Variants in PLCB4 observed in about 807,000 individuals in gnomAD.
PLCB4 encodes the protein 1-phosphatidylinositol 4,5-bisphosphate phosphodiesterase beta-4.
In PLCB4, 77 loss-of-function variants were observed where a neutral mutation model predicts 178.8. The observed-to-expected ratio is 0.43, with a 90% confidence interval of 0.36 to 0.52. The LOEUF (loss-of-function observed/expected upper bound fraction) is 0.52, where lower values mean the gene tolerates loss of function less well. Ranked by LOEUF, PLCB4 falls within the 20% of genes least tolerant of loss-of-function variation. The pLI, the probability that PLCB4 is intolerant of heterozygous loss-of-function variation, is 0.00. For missense variants in PLCB4, 1,024 were observed against 1,453.4 expected (o/e 0.70, Z 4.80); for synonymous variants, 496 against 490.8 (o/e 1.01, Z -0.14).
intron 3 of PLCB4, among the ~76,000 whole-genome samples, chr20:9,302,503 C>T (rs143939781): frequency 6.6e-6 from 1 of 152,260 alleles, no homozygotes; most frequent in African/African-American, 2.4e-5. Flanking sequence ...AAAGAACAGC[C>T]TCGACCACAG....
intron 38 of PLCB4, among the ~76,000 whole-genome samples, chr20:9,474,214 C>CAAA (rs138592969): frequency 8.3e-6 from 1 of 120,616 alleles, no homozygotes. Context: ...GACTCCATCT[C>CAAA]AAAAAAAAAA....
At chr20:9,460,264 T>C (rs1483733649) in intron 35 of PLCB4, among the ~76,000 whole-genome samples, 1 of 152,168 alleles carries the variant, frequency 6.6e-6, no homozygotes, top group Admixed American at 6.5e-5. Flanking sequence ...CTTTTCAGAG[T>C]GGTCATGGAG....
At chr20:9,206,738 A>T (rs2093619716) in intron 2 of PLCB4, among the ~76,000 whole-genome samples, 1 of 152,230 alleles carries the variant, frequency 6.6e-6, no homozygotes, top group South Asian at 2.1e-4. Context: ...TCATTGACAA[A>T]CACAAGTAGC....
chr20:9,145,571 A>C (rs2092583633), intron 2 of PLCB4, among the ~76,000 whole-genome samples: 2 of 150,538 alleles, frequency 1.3e-5, no homozygotes, highest in Non-Finnish European at 3.0e-5. Flanking sequence ...TCTTTTCTTG[A>C]GGTTGGGCAG....
chr20:9,077,330 A>G (rs2089919421), intron 1 of PLCB4, among the ~76,000 whole-genome samples: 1 of 152,210 alleles, frequency 6.6e-6, no homozygotes, highest in Non-Finnish European at 1.5e-5. Context: ...CTATTTGGTC[A>G]AAAGCCTATG....
At chr20:9,100,608 T>A (rs1287853028) in intron 2 of PLCB4, among the ~76,000 whole-genome samples, 1 of 152,214 alleles carries the variant, frequency 6.6e-6, no homozygotes, top group Non-Finnish European at 1.5e-5. Flanking sequence ...ATGGATTTAG[T>A]AATGGAGCAA....
chr20:9,378,822 A>T (rs750916476), intron 12 of PLCB4, among the ~76,000 whole-genome samples: 1 of 152,142 alleles, frequency 6.6e-6, no homozygotes, highest in African/African-American at 2.4e-5. Flanking sequence ...GCTGGGCCCC[A>T]TATGCATGAG....
intron 21 of PLCB4, 31 bp downstream of exon 21, chr20:9,405,379 A>C (rs769395612): frequency 7.7e-7 from 1 of 1,301,574 alleles, no homozygotes; most frequent in South Asian, 1.4e-5. Flanking sequence ...CACATTTTAA[A>C]TCAGATGCAT....
At chr20:9,209,798 C>A (rs1031788439) in intron 2 of PLCB4, among the ~76,000 whole-genome samples, 1 of 151,788 alleles carries the variant, frequency 6.6e-6, no homozygotes, top group African/African-American at 2.4e-5. Context: ...CCCGTCTCTA[C>A]TAAAAAATAC....
intron 3 of PLCB4, among the ~76,000 whole-genome samples, chr20:9,296,338 C>T (rs1299108850): frequency 1.3e-5 from 2 of 151,884 alleles, no homozygotes; most frequent in Non-Finnish European, 2.9e-5. Flanking sequence ...AGAATGGCGA[C>T]CATTAAAAAG....
chr20:9,127,244 C>T (rs1242856343), intron 2 of PLCB4, among the ~76,000 whole-genome samples: 2 of 152,074 alleles, frequency 1.3e-5, no homozygotes, highest in African/African-American at 4.8e-5. Context: ...GTCCGGGAGC[C>T]TGAGACTCTG....
chr20:9,147,829 T>A (rs2092625249), intron 2 of PLCB4, among the ~76,000 whole-genome samples: 1 of 152,116 alleles, frequency 6.6e-6, no homozygotes, highest in African/African-American at 2.4e-5. Flanking sequence ...CACCACAAAG[T>A]TACGTAGCCG....
rs1234822599 is a variant in PLCB4, at chr20:9,457,461, A to G, written c.3044A>G (p.Gln1015Arg). ...EMKKETEIKI[Q>R]TLTSDHKSKV... ...AAAAAAGAAACAGAAATCAAAATTC[A>G]GACGCTGACATCAGATCACAAATCT... Residue 1015 changes from glutamine to arginine, a missense_variant, in exon 34 of 40, where the codon CAG (glutamine) becomes CGG (arginine). This residue lies in a region of PLCB4 where 264 missense variants were observed against 283.2 expected (regional missense o/e 0.93). Coordinates refer to ENST00000378473, the MANE Select transcript of PLCB4 (RefSeq NM_001377142.1). The G allele has an allele frequency of 6.4e-7, 1 of 1,553,642 alleles. No homozygotes were observed. The highest frequency in any genetic ancestry group is 1.7e-5 in the Admixed American group (1 of 59,952).
At chr20:9,285,073 G>T (rs2094525364) in intron 3 of PLCB4, among the ~76,000 whole-genome samples, 1 of 150,864 alleles carries the variant, frequency 6.6e-6, no homozygotes, top group African/African-American at 2.4e-5. Context: ...CTCATTTTCT[G>T]CAAAGAAAAC....
At chr20:9,103,242 G>A (rs1322988347) in intron 2 of PLCB4, among the ~76,000 whole-genome samples, 1 of 151,996 alleles carries the variant, frequency 6.6e-6, no homozygotes, top group Non-Finnish European at 1.5e-5. Context: ...GAATTGTTCA[G>A]AGTTCTAAAC....
chr20:9,386,178 G>A (rs751251585), intron 14 of PLCB4, among the ~76,000 whole-genome samples: 2 of 152,074 alleles, frequency 1.3e-5, no homozygotes, highest in Admixed American at 6.5e-5. Flanking sequence ...ACGGAAGTCC[G>A]GGGCAGGGAG....
chr20:9,176,477 C>T (rs1237405887), intron 2 of PLCB4, among the ~76,000 whole-genome samples: 1 of 152,166 alleles, frequency 6.6e-6, no homozygotes, highest in Non-Finnish European at 1.5e-5. Flanking sequence ...AGTATTTTCA[C>T]TAGGCCATTT....
At chr20:9,471,990 C>T (rs925307839) in intron 36 of PLCB4, among the ~76,000 whole-genome samples, 3 of 152,166 alleles carry the variant, frequency 2.0e-5, no homozygotes, top group South Asian at 2.1e-4. Flanking sequence ...CGCACCCGAT[C>T]GTTGTAGCGT....
At chr20:9,185,766 G>A (rs528339137) in intron 2 of PLCB4, among the ~76,000 whole-genome samples, 4 of 152,058 alleles carry the variant, frequency 2.6e-5, no homozygotes, top group Non-Finnish European at 5.9e-5. Flanking sequence ...TGGCTTCCTC[G>A]CTGCTCTGCT....
Sources: allele counts gnomAD v4.1 joint callset (sites outside exome capture counted in the v4.1 genomes callset), GRCh38; gene constraint gnomAD v4.1.1; regional missense constraint gnomAD v4.1.1; transcripts MANE v1.5; gene names NCBI Gene and HGNC (gene_info 2026-07-23, HGNC 2026-07-21).